Variants in KCMF1 observed in about 807,000 individuals in gnomAD.
KCMF1 encodes potassium channel modulatory factor 1.
In KCMF1, 3 loss-of-function variants were observed where a neutral mutation model predicts 41.1. That is an observed-to-expected ratio of 0.07 (90% CI 0.03 to 0.19). The LOEUF (loss-of-function observed/expected upper bound fraction) is 0.19. Ranked by LOEUF, KCMF1 falls within the 10% of genes least tolerant of loss-of-function variation. KCMF1 has a pLI of 1.00. For missense variants in KCMF1, 286 were observed against 488.9 expected, an observed-to-expected ratio of 0.58 and a Z score of 3.91; for synonymous variants, 142 against 164.5, an observed-to-expected ratio of 0.86 and a Z score of 1.04.
At chr2:85,006,627 T>G (rs1674479143) in intron 1 of KCMF1, among the ~76,000 whole-genome samples, 1 of 152,074 alleles carries the variant, frequency 6.6e-6, no homozygotes, top group African/African-American at 2.4e-5. Flanking sequence ...GTTTATGTCT[T>G]TTTAAAAAAA....
chr2:85,040,914 C>G (rs891956602), intron 3 of KCMF1, among the ~76,000 whole-genome samples: 1 of 152,246 alleles, frequency 6.6e-6, no homozygotes, highest in African/African-American at 2.4e-5. Context: ...GCGTGTGCCA[C>G]CATGCCCAGG....
Position 85,059,169 on chromosome 2 carries a change from T to C in KCMF1, c.*5760T>C, listed in dbSNP as rs1322981585. The C allele has an allele frequency of 6.6e-6, 1 of 152,192 alleles. No homozygotes were observed. The highest frequency in any genetic ancestry group is 2.4e-5 in the African/African-American group (1 of 41,454). The allele number at this position is 152,192 out of a possible 1,614,324, so 9.4% of individuals were successfully genotyped here. ...TAATTTTGCCCACGAGAACCTTTCA[T>C]GACAATTAACAAGACACTAGTTTCC... is the stretch of plus-strand genomic sequence containing the variant. On this transcript the variant is annotated 3_prime_UTR_variant, in exon 7 of 7. Coordinates refer to ENST00000409785, the MANE Select transcript of KCMF1 (RefSeq NM_020122.5).
At chr2:85,026,457 C>G (rs1675104852) in intron 1 of KCMF1, among the ~76,000 whole-genome samples, 1 of 133,382 alleles carries the variant, frequency 7.5e-6, no homozygotes, top group Admixed American at 7.5e-5. Context: ...TTCTTTCTTT[C>G]CTTTATTATT....
chr2:85,008,239 T>TATGA (rs1397104533), intron 1 of KCMF1, among the ~76,000 whole-genome samples: 10 of 113,550 alleles, frequency 8.8e-5, no homozygotes, highest in African/African-American at 2.6e-4. Context: ...ACATATTATA[T>TATGA]TATATATGAT....
At chr2:84,997,071 A>C (rs187637584) in intron 1 of KCMF1, among the ~76,000 whole-genome samples, 3 of 152,292 alleles carry the variant, frequency 2.0e-5, no homozygotes, top group African/African-American at 7.2e-5. Context: ...AAAATGTATG[A>C]TCTTATGAGA....
intron 1 of KCMF1, among the ~76,000 whole-genome samples, chr2:84,975,279 T>C (rs1444849363): frequency 1.3e-5 from 2 of 152,000 alleles, no homozygotes; most frequent in Non-Finnish European, 2.9e-5. Context: ...GCCTGAGGGC[T>C]GTAGTTTGCC....
intron 3 of KCMF1, among the ~76,000 whole-genome samples, chr2:85,035,509 T>G (rs1318442727): frequency 6.6e-6 from 1 of 152,234 alleles, no homozygotes; most frequent in Non-Finnish European, 1.5e-5. Context: ...TAACTTTTCT[T>G]CTACAAGGAA....
chr2:84,998,162 G>C (rs1165747572), intron 1 of KCMF1, among the ~76,000 whole-genome samples: 1 of 151,620 alleles, frequency 6.6e-6, no homozygotes, highest in Non-Finnish European at 1.5e-5. Flanking sequence ...TGTGATTTTG[G>C]CTCACTGCAA....
intron 1 of KCMF1, among the ~76,000 whole-genome samples, chr2:85,027,391 T>TTC (rs1301743749): frequency 7.8e-6 from 1 of 129,000 alleles, no homozygotes; most frequent in Admixed American, 7.5e-5. Context: ...TTTTTTTTTT[T>TTC]TTTGAGACAA....
intron 1 of KCMF1, among the ~76,000 whole-genome samples, chr2:85,008,253 T>TA (rs1674523569): frequency 2.1e-5 from 2 of 94,634 alleles, no homozygotes; most frequent in South Asian, 2.8e-4. Flanking sequence ...ATATGATATA[T>TA]ATTATATATC....
chr2:85,055,290 C>T lies in KCMF1; in HGVS notation c.*1881C>T, dbSNP rs987593452. The T allele has an allele frequency of 6.6e-6, 1 of 152,202 alleles. No individual in the cohort carries two copies. The highest frequency in any genetic ancestry group is 2.4e-5 in the African/African-American group (1 of 41,454). The allele number at this position is 152,202 out of a possible 1,614,324, so 9.4% of individuals were successfully genotyped here. A position where few individuals can be genotyped will look rare whatever the true frequency, so the allele number is the denominator to read the frequency against. Reference sequence around the variant, plus strand: ...TGTTAGTGGATTAACCTAACCATTACTCTGAGATTTTATATCTCTAATCCA... The same window carrying T: ...TGTTAGTGGATTAACCTAACCATTATTCTGAGATTTTATATCTCTAATCCA... On this transcript the variant is annotated 3_prime_UTR_variant, in exon 7 of 7. Coordinates refer to ENST00000409785, the MANE Select transcript of KCMF1 (RefSeq NM_020122.5).
chr2:84,981,252 C>G (rs1673739509), intron 1 of KCMF1, among the ~76,000 whole-genome samples: 1 of 150,694 alleles, frequency 6.6e-6, no homozygotes, highest in Non-Finnish European at 1.5e-5. Context: ...CGCAGTGGTG[C>G]AATCTCGGCT....
At chr2:85,040,600 A>G (rs903403563) in intron 3 of KCMF1, among the ~76,000 whole-genome samples, 1 of 152,190 alleles carries the variant, frequency 6.6e-6, no homozygotes, top group Non-Finnish European at 1.5e-5. Context: ...TAGCTTGCTA[A>G]ATATAAAATG....
intron 1 of KCMF1, among the ~76,000 whole-genome samples, chr2:85,006,644 A>G (rs1425413132): frequency 7.9e-5 from 12 of 152,078 alleles, no homozygotes. Context: ...AAAAATCTAA[A>G]TAATATTTGC....
At position 85,046,193 on chromosome 2, in the gene KCMF1, C is replaced by T; in HGVS notation, c.516C>T (p.His172=). 1.2e-6 allele frequency: 2 copies of T among 1,613,302 alleles called. No individual in the cohort carries two copies. Among genetic ancestry groups the T allele is most frequent in the Non-Finnish European group, 1.7e-6 (2 of 1,179,478 alleles). The part of the protein sequence containing the change: ...GGPRARRSNM[H]FTSSSTGGLS... ...CTCGTGCTCGTAGATCAAACATGCA[C>T]TTTACTAGCAGTTCTACTGGTGGAC... is the stretch of plus-strand genomic sequence containing the variant. The change falls in exon 5 of 7, where the codon CAC becomes CAT. Residue 172 remains histidine (H), a synonymous_variant. Transcript: ENST00000409785.
At chr2:84,986,054 C>T (rs1673893353) in intron 1 of KCMF1, among the ~76,000 whole-genome samples, 1 of 152,086 alleles carries the variant, frequency 6.6e-6, no homozygotes, top group Non-Finnish European at 1.5e-5. Context: ...TAGTTGTGAC[C>T]TTCTAGATTG....
rs1442876938 is a variant in KCMF1, at chr2:85,043,663, T to G, written c.424T>G (p.Leu142Val). ...LTLEHRAPRDLDESSGVRHVR... is the reference protein window; with the variant it reads ...LTLEHRAPRDVDESSGVRHVR... ...ACTTGAACACAGAGCCCCTAGAGAT[T>G]TAATATCCTTTTAAGAGATGACAAG... The change falls in exon 4 of 7, where the codon TTA becomes GTA. Residue 142 changes from leucine to valine, a missense_variant and splice_region_variant. By Grantham distance (32) the Leu-to-Val change is conservative. Around this residue, in one of 2 missense-constraint regions of KCMF1, gnomAD observed 95 missense variants for 209.6 expected, o/e 0.45. Coordinates refer to ENST00000409785, the MANE Select transcript of KCMF1 (RefSeq NM_020122.5). 6.4e-7 allele frequency: 1 copy of G among 1,569,150 alleles called. No individual in the cohort carries two copies. The highest frequency in any genetic ancestry group is 1.7e-5 in the Admixed American group (1 of 59,720).
intron 1 of KCMF1, among the ~76,000 whole-genome samples, chr2:84,996,245 A>G (rs1395301527): frequency 6.6e-6 from 1 of 152,170 alleles, no homozygotes; most frequent in Non-Finnish European, 1.5e-5. Flanking sequence ...GTTACACTGC[A>G]GGTGTCTAGA....
intron 4 of KCMF1, among the ~76,000 whole-genome samples, chr2:85,045,518 C>T (rs1487287226): frequency 6.6e-6 from 1 of 152,140 alleles, no homozygotes; most frequent in Non-Finnish European, 1.5e-5. Flanking sequence ...TATGATCTGG[C>T]CTCCCCCACC....
Sources: gnomAD v4.1 joint callset for allele counts (sites outside exome capture counted in the v4.1 genomes callset) on GRCh38, gnomAD v4.1.1 for gene constraint, gnomAD v4.1.1 regional missense constraint, MANE v1.5 for transcripts, NCBI Gene and HGNC (gene_info 2026-07-23, HGNC 2026-07-21) for gene names.